The following KANK1 variants were observed in gnomAD, a reference collection of about 807,000 sequenced individuals.
KANK1 encodes the protein KN motif and ankyrin repeat domains 1, also known as KN motif and ankyrin repeat domain-containing protein 1.
Under a neutral mutation model 106.2 loss-of-function variants are expected in KANK1, and 109 were observed. That is an observed-to-expected ratio of 1.03 (90% CI 0.88 to 1.20). KANK1 has a LOEUF of 1.20. Ranked by LOEUF, KANK1 falls within the 50% of genes most tolerant of loss-of-function variation. The pLI, the probability that KANK1 is intolerant of heterozygous loss-of-function variation, is 0.00. For synonymous variants in KANK1, 873 were observed against 652.2 expected (o/e 1.34, Z -5.16); for missense variants, 2,399 against 1,710.7 (o/e 1.40, Z -7.10).
chr9:476,324 C>A (rs1317535414), intron 3 of KANK1, among the ~76,000 whole-genome samples: 1 of 152,038 alleles, frequency 6.6e-6, no homozygotes, highest in Non-Finnish European at 1.5e-5. Context: ...AGTTCAAGAC[C>A]AGCCTGGTCA....
intron 3 of KANK1, among the ~76,000 whole-genome samples, chr9:716,148 T>A (rs1827639488): frequency 6.6e-6 from 1 of 152,256 alleles, no homozygotes; most frequent in East Asian, 1.9e-4. Context: ...TATATGAACC[T>A]AACACAGTAT....
Position 742,304 on chromosome 9 carries a change from G to T in KANK1, c.3796G>T (p.Glu1266Ter). ...GGCTGATGTCAACATCCAGGATGAC[G>T]AGGGCTCCACGGCCCTCATGTGTGC... is the stretch of plus-strand genomic sequence containing the variant. ...CGADVNIQDD[E>*]GSTALMCASE... Residue 1266 changes from glutamate (E) to a stop codon, truncating the protein, a stop_gained, in exon 10 of 12, where the codon GAG becomes TAG. Transcript: ENST00000382297. LOFTEE classifies it high-confidence loss of function. The T allele has an allele frequency of 6.2e-7, 1 of 1,614,130 alleles. No individual in the cohort carries two copies. Among genetic ancestry groups the T allele is most frequent in the African/African-American group, 1.3e-5 (1 of 75,056 alleles).
chr9:600,284 G>C (rs181219703), intron 1 of KANK1, among the ~76,000 whole-genome samples: 1 of 151,576 alleles, frequency 6.6e-6, no homozygotes, highest in African/African-American at 2.4e-5. Flanking sequence ...GGAATCACAC[G>C]CTGTCTGTCT....
At chr9:710,606 G>A (rs1409191045) in intron 2 of KANK1, among the ~76,000 whole-genome samples, 198 bp from the exon 3 acceptor site, 1 of 110,552 alleles carries the variant, frequency 9.0e-6, no homozygotes, top group African/African-American at 3.3e-5. Context: ...GTGACAGAAT[G>A]ACCTGTCTCA....
At chr9:504,329 C>G, upstream of KANK1, among the ~76,000 whole-genome samples, 2 of 152,040 alleles carry the variant, frequency 1.3e-5, no homozygotes, top group South Asian at 4.1e-4. Context: ...TTAGTTCTCG[C>G]CGCGGCGAGG....
intron 2 of KANK1, among the ~76,000 whole-genome samples, chr9:704,729 C>T (rs1370368492): frequency 2.0e-5 from 3 of 152,054 alleles, no homozygotes; most frequent in African/African-American, 7.2e-5. Flanking sequence ...ACCTGTAATT[C>T]CAGCATGTTG....
intron 5 of KANK1, chr9:732,080 T>C (rs146767938): frequency 1.8e-5 from 4 of 223,834 alleles, no homozygotes; most frequent in Non-Finnish European, 3.6e-5. Context: ...CACCTACCGA[T>C]CTGTTTTCCA....
intron 1 of KANK1, among the ~76,000 whole-genome samples, chr9:658,790 T>A (rs1005083291): frequency 1.3e-5 from 2 of 152,186 alleles, no homozygotes; most frequent in Non-Finnish European, 2.9e-5. Context: ...AAAAATCGCA[T>A]AGGCACATCT....
intron 1 of KANK1, among the ~76,000 whole-genome samples, chr9:609,798 C>G (rs1830157066): frequency 6.6e-6 from 1 of 152,052 alleles, no homozygotes; most frequent in Non-Finnish European, 1.5e-5. Context: ...GGAACTATGG[C>G]AAAATTATTT....
chr9:712,173 C>T lies in KANK1; in HGVS notation c.1407C>T (p.Ile469=), dbSNP rs760305870. The T allele has an allele frequency of 8.7e-6, 14 of 1,614,114 alleles. No individual in the cohort carries two copies. Among genetic ancestry groups the T allele is most frequent in the Middle Eastern group, 1.6e-4 (1 of 6,062 alleles). Residue 469 remains isoleucine (I), a synonymous_variant, in exon 3 of 12, where the codon ATC becomes ATT. Coordinates refer to ENST00000382297, the MANE Select transcript of KANK1 (RefSeq NM_015158.5). The stretch of plus-strand genomic sequence containing the variant: ...CCATAGAATCCTTGAAGGAAAAGAT[C>T]TATCGCCTAGAAGTACAGCTTAGAG... ...QQTIESLKEK[I]YRLEVQLRET...
chr9:646,554 AT>A (rs140555365), intron 1 of KANK1, among the ~76,000 whole-genome samples: 1,619 of 150,768 alleles, frequency 0.011, 147 homozygotes, highest in African/African-American at 0.038. Context: ...GTAAAATAAT[AT>A]GTTGAACATG....
chr9:516,600 T>C (rs1171730781), intron 1 of KANK1, among the ~76,000 whole-genome samples: 16 of 151,494 alleles, frequency 1.1e-4, no homozygotes, highest in Admixed American at 1.1e-3. Flanking sequence ...AAATTGTTCA[T>C]AATGCTGGGA....
At chr9:585,986 A>C (rs1034522894) in intron 1 of KANK1, among the ~76,000 whole-genome samples, 2 of 152,354 alleles carry the variant, frequency 1.3e-5, no homozygotes, top group African/African-American at 4.8e-5. Context: ...TAGGTTTGGA[A>C]GTTATAAGAC....
chr9:528,088 G>A (rs2059882140), intron 1 of KANK1, among the ~76,000 whole-genome samples: 2 of 151,170 alleles, frequency 1.3e-5, no homozygotes, highest in South Asian at 2.1e-4. Flanking sequence ...AGCCGAGATC[G>A]TGCCACTGCA....
chr9:568,869 A>G (rs1818473528), intron 1 of KANK1, among the ~76,000 whole-genome samples: 1 of 152,214 alleles, frequency 6.6e-6, no homozygotes, highest in African/African-American at 2.4e-5. Context: ...TTAAAAGATC[A>G]TGACCACTTA....
chr9:549,556 T>C (rs1376389272), intron 1 of KANK1: 1 of 152,240 alleles, frequency 6.6e-6, no homozygotes, highest in Non-Finnish European at 1.5e-5. Context: ...TTCCTTCCTT[T>C]TCCTATTCTG....
chr9:596,056 A>G (rs1189842902), intron 1 of KANK1, among the ~76,000 whole-genome samples: 1 of 151,876 alleles, frequency 6.6e-6, no homozygotes, highest in East Asian at 1.9e-4. Context: ...TATACACCTT[A>G]TATACAAAGA....
At chr9:628,314 G>A (rs552768364) in intron 1 of KANK1, among the ~76,000 whole-genome samples, 1 of 152,268 alleles carries the variant, frequency 6.6e-6, no homozygotes, top group African/African-American at 2.4e-5. Flanking sequence ...ACCTCATCTT[G>A]TTTTTGAGAC....
chr9:673,768 T>G (rs9407352), intron 1 of KANK1: 62,445 of 151,592 alleles, frequency 0.41, 13,910 homozygotes, highest in East Asian at 0.65. Context: ...CCCTAGCACA[T>G]GCAGCTTGTC....
Sources: gnomAD v4.1 joint callset for allele counts (sites outside exome capture counted in the v4.1 genomes callset) on GRCh38, gnomAD v4.1.1 for gene constraint, MANE v1.5 for transcripts, NCBI Gene and HGNC (gene_info 2026-07-23, HGNC 2026-07-21) for gene names.